The following NCAPD3 variants were observed in gnomAD, a reference collection of about 807,000 sequenced individuals.
NCAPD3 encodes the protein condensin-2 complex subunit D3.
Under a neutral mutation model 182.9 loss-of-function variants are expected in NCAPD3, and 105 were observed. That is an observed-to-expected ratio of 0.57 (90% CI 0.49 to 0.68). The LOEUF is 0.68. Ranked by LOEUF, NCAPD3 falls within the 30% of genes least tolerant of loss-of-function variation. The probability of loss-of-function intolerance (pLI) is 0.00; values close to 1 mark genes in which losing one functional copy is unlikely to be tolerated. For synonymous variants in NCAPD3, 815 were observed against 679.9 expected, an observed-to-expected ratio of 1.20 and a Z score of -3.09; for missense variants, 1,944 against 1,837.0, an observed-to-expected ratio of 1.06 and a Z score of -1.07.
chr11:134,172,422 C>A (rs1433101684), intron 24 of NCAPD3, among the ~76,000 whole-genome samples: 1 of 152,206 alleles, frequency 6.6e-6, no homozygotes, highest in African/African-American at 2.4e-5. Flanking sequence ...GACTCCCTCA[C>A]CCCATTCCGA....
chr11:134,166,779 A>G (rs1591828272), intron 27 of NCAPD3, among the ~76,000 whole-genome samples: 3 of 80,410 alleles, frequency 3.7e-5, no homozygotes, highest in Non-Finnish European at 4.7e-5. Context: ...AGCTTGGGGG[A>G]GGCGCACACT....
At chr11:134,202,675 C>T in intron 13 of NCAPD3, 141 bp downstream of exon 13, 1 of 586,566 alleles carries the variant, frequency 1.7e-6, no homozygotes. Context: ...AGGCATGAGT[C>T]ACCACGCCCA....
rs879186739 is a variant in NCAPD3, at chr11:134,185,420, C to A, written c.2152G>T (p.Ala718Ser). ...SHTGTEHSAP[A>S]WMLLSKIAGS... ...GCAATCTTGGAGAGCAGCATCCAGG[C>A]AGGTGCCGAATGTTCCGTGCCAGTG... The change falls in exon 17 of 35, where the codon GCC (alanine) becomes TCC (serine). Residue 718 changes from alanine to serine, a missense_variant. Ala to Ser is a moderately conservative substitution (Grantham distance 99). Coordinates refer to ENST00000534548, the MANE Select transcript of NCAPD3 (RefSeq NM_015261.3). 5 of 1,613,902 alleles carry A rather than the reference C, an allele frequency of 3.1e-6. No individual in the cohort carries two copies. Among genetic ancestry groups the A allele is most frequent in the Non-Finnish European group, 3.4e-6 (4 of 1,179,988 alleles).
At chr11:134,168,304 G>GC (rs777084316) in intron 26 of NCAPD3, 109 bp from the exon 27 acceptor site, 3 of 1,440,528 alleles carry the variant, frequency 2.1e-6, no homozygotes, top group African/African-American at 2.8e-5. Context: ...CAGGGGGTCT[G>GC]CAAGGGTGTT....
chr11:134,201,331 A>G (rs1425986938), intron 13 of NCAPD3, among the ~76,000 whole-genome samples: 1 of 152,130 alleles, frequency 6.6e-6, no homozygotes, highest in Non-Finnish European at 1.5e-5. Context: ...GGCCCAGAAT[A>G]GGCAATTTTA....
At chr11:134,182,581 C>T (rs1944320565) in intron 19 of NCAPD3, among the ~76,000 whole-genome samples, 1 of 152,152 alleles carries the variant, frequency 6.6e-6, no homozygotes, top group African/African-American at 2.4e-5. Flanking sequence ...ATTTCATCAA[C>T]ACTTCTCTGT....
At chr11:134,182,958 G>T (rs925575959) in intron 19 of NCAPD3, 9 of 333,902 alleles carry the variant, frequency 2.7e-5, no homozygotes, top group African/African-American at 2.0e-4. Context: ...AAACCGTGGC[G>T]GTCTTTGCTA....
rs1943176431 is a variant in NCAPD3 at position 134,150,277 on chromosome 11, C to T, written c.*2667G>A. The T allele has an allele frequency of 6.6e-6, 1 of 152,412 alleles. No homozygotes were observed. The highest frequency in any genetic ancestry group is 1.5e-5 in the Non-Finnish European group (1 of 68,194). 9.4% of individuals were successfully genotyped at this position (152,412 alleles called of 1,614,324 possible). A position where few individuals can be genotyped will look rare whatever the true frequency, so the allele number is the denominator to read the frequency against. The stretch of plus-strand genomic sequence containing the variant: ...TCAGTTTGCATCTCTTCAAAAGAAA[C>T]CTCTCAGGTTAGCTTTGAACTGCCT... On this transcript the variant is annotated 3_prime_UTR_variant, in exon 35 of 35. Transcript: ENST00000534548.
intron 24 of NCAPD3, among the ~76,000 whole-genome samples, chr11:134,172,339 G>A (rs964087699): frequency 1.2e-4 from 19 of 152,184 alleles, no homozygotes; most frequent in South Asian, 6.2e-4. Flanking sequence ...GTGCAGCCAC[G>A]TCGTGGACCC....
intron 23 of NCAPD3, among the ~76,000 whole-genome samples, chr11:134,176,835 C>A (rs189038961): frequency 5.9e-5 from 9 of 152,268 alleles, no homozygotes; most frequent in Admixed American, 2.6e-4. Flanking sequence ...CAGAGCCCAG[C>A]GCGAACACCA....
chr11:134,184,808 T>TACAC (rs770341081), intron 18 of NCAPD3, 56 bp from the exon 19 acceptor site: 14,481 of 935,184 alleles, frequency 0.015, 82 homozygotes, highest in Middle Eastern at 0.028. Context: ...TTCAGGTATA[T>TACAC]ATACACACAC....
chr11:134,200,274 G>A (rs542427417), intron 13 of NCAPD3, among the ~76,000 whole-genome samples: 8 of 152,228 alleles, frequency 5.3e-5, no homozygotes, highest in African/African-American at 1.7e-4. Flanking sequence ...AAAATGTTTT[G>A]TGCCTCATAG....
At position 134,158,056 on chromosome 11, in the gene NCAPD3, A is replaced by G. The variant is rs142029598; in HGVS notation, c.4046T>C (p.Leu1349Pro). The G allele has an allele frequency of 1.3e-4, 210 of 1,613,822 alleles. No homozygotes were observed. The highest frequency in any genetic ancestry group is 1.7e-4 in the Non-Finnish European group (195 of 1,179,946). The change falls in exon 31 of 35, where the codon CTG becomes CCG. Residue 1349 changes from leucine (L) to proline (P), a missense_variant. By Grantham distance (98) the Leu-to-Pro change is moderately conservative. Around this residue, in one of 3 missense-constraint regions of NCAPD3, gnomAD observed 1,803 missense variants for 1,674.6 expected, o/e 1.08. Transcript: ENST00000534548. ...AGAATTCAGGATTGCAATGGTGCTC[A>G]GGGACATGGGCCTGTGGAGAACAGC... ...RLLPKARPMS[L>P]STIAILNSVK...
chr11:134,158,234 ATGACT>A, intron 30 of NCAPD3, 90 bp downstream of exon 30: 1 of 1,551,042 alleles, frequency 6.4e-7, no homozygotes, highest in South Asian at 1.2e-5. Flanking sequence ...GACAATGACA[ATGACT>A]TTCCTGCCCA....
intron 16 of NCAPD3, among the ~76,000 whole-genome samples, chr11:134,191,708 T>C (rs1193108033): frequency 6.6e-6 from 1 of 152,202 alleles, no homozygotes; most frequent in Non-Finnish European, 1.5e-5. Context: ...CTCTCCATTC[T>C]AGAAATCTCA....
intron 3 of NCAPD3, among the ~76,000 whole-genome samples, chr11:134,212,939 T>C (rs903925024): frequency 6.6e-6 from 1 of 151,814 alleles, no homozygotes; most frequent in Admixed American, 6.6e-5. Flanking sequence ...AATAGAAAAA[T>C]GGCAGAAACC....
chr11:134,176,432 C>T (rs751145628), intron 23 of NCAPD3, 46 bp from the exon 24 acceptor site: 18 of 1,541,944 alleles, frequency 1.2e-5, no homozygotes, highest in Admixed American at 1.7e-5. Context: ...TCATCATGGG[C>T]AAGCCTCACT....
At chr11:134,193,505 C>A (rs1160854815) in intron 15 of NCAPD3, among the ~76,000 whole-genome samples, 2 of 152,206 alleles carry the variant, frequency 1.3e-5, no homozygotes, top group East Asian at 1.9e-4. Context: ...GTAATCCCAG[C>A]ACTTTGGGAG....
intron 22 of NCAPD3, chr11:134,177,854 C>T (rs1177470236): frequency 6.2e-6 from 1 of 161,654 alleles, no homozygotes; most frequent in Non-Finnish European, 1.3e-5. Context: ...GAAATCTGAG[C>T]TGGGTAAATA....
Sources: allele counts gnomAD v4.1 joint callset (sites outside exome capture counted in the v4.1 genomes callset), GRCh38; gene constraint gnomAD v4.1.1; regional missense constraint gnomAD v4.1.1; transcripts MANE v1.5; gene names NCBI Gene and HGNC (gene_info 2026-07-23, HGNC 2026-07-21).